CENPW: variants seen among roughly 807,000 people sequenced by gnomAD.
The protein encoded by CENPW is centromere protein W.
A neutral mutation model predicts 11.1 loss-of-function variants in CENPW; 3 were observed. That is an observed-to-expected ratio of 0.27 (90% CI 0.12 to 0.70). The LOEUF (loss-of-function observed/expected upper bound fraction) is 0.70, where lower values mean the gene tolerates loss of function less well. Ranked by LOEUF, CENPW falls within the 30% of genes least tolerant of loss-of-function variation. CENPW has a pLI of 0.77. For missense variants in CENPW, 100 were observed against 105.6 expected, an observed-to-expected ratio of 0.95 and a Z score of 0.23; for synonymous variants, 38 against 42.0, an observed-to-expected ratio of 0.91 and a Z score of 0.37.
At chr6:126,377,232 T>G in the CENPW span, among the ~76,000 whole-genome samples, 1 of 152,120 alleles carries the variant, frequency 6.6e-6, no homozygotes, top group African/African-American at 2.4e-5. Flanking sequence ...TCCTCACAAT[T>G]TAAATAAAAG....
At chr6:126,470,254 A>T in the CENPW span, among the ~76,000 whole-genome samples, 5 of 152,186 alleles carry the variant, frequency 3.3e-5, no homozygotes, top group Non-Finnish European at 7.3e-5. Context: ...CCTTCATCCC[A>T]GCCACTCCAG....
the CENPW span, among the ~76,000 whole-genome samples, chr6:126,368,194 C>T: frequency 6.6e-6 from 1 of 152,140 alleles, no homozygotes; most frequent in Admixed American, 6.5e-5. Context: ...TTATGTTCCG[C>T]ACTGGGGGAA....
chr6:126,360,949 G>A, the CENPW span, among the ~76,000 whole-genome samples: 1 of 152,168 alleles, frequency 6.6e-6, no homozygotes, highest in Non-Finnish European at 1.5e-5. Context: ...AACCATTCCT[G>A]GGGGAGTAGT....
At chr6:126,356,904 TGTTTATA>T in the CENPW span, among the ~76,000 whole-genome samples, 2 of 152,226 alleles carry the variant, frequency 1.3e-5, no homozygotes, top group African/African-American at 4.8e-5. Context: ...CTGTTTACTC[TGTTTATA>T]GTTTATTTGC....
At chr6:126,425,038 T>C in the CENPW span, among the ~76,000 whole-genome samples, 1 of 152,140 alleles carries the variant, frequency 6.6e-6, no homozygotes, top group South Asian at 2.1e-4. Flanking sequence ...CGTGGCTCTA[T>C]TTTGAACTAC....
At chr6:126,361,775 G>T in the CENPW span, among the ~76,000 whole-genome samples, 1 of 152,076 alleles carries the variant, frequency 6.6e-6, no homozygotes, top group Non-Finnish European at 1.5e-5. Flanking sequence ...CAGGGAGATA[G>T]ACTACACTCT....
chr6:126,437,637 G>A, the CENPW span, among the ~76,000 whole-genome samples: 1 of 151,816 alleles, frequency 6.6e-6, no homozygotes, highest in African/African-American at 2.4e-5. Flanking sequence ...GCTTTTTAAT[G>A]TTTCCAAGAA....
the CENPW span, among the ~76,000 whole-genome samples, chr6:126,416,111 G>C: frequency 6.6e-6 from 1 of 152,190 alleles, no homozygotes; most frequent in African/African-American, 2.4e-5. Flanking sequence ...TCCAGGCTGA[G>C]GTGGTCTCAG....
chr6:126,352,361 G>A (rs1157411955), downstream of CENPW, among the ~76,000 whole-genome samples: 2 of 152,018 alleles, frequency 1.3e-5, no homozygotes, highest in South Asian at 2.1e-4. Context: ...TTGCCAAAAT[G>A]GCAAAAGAGG....
chr6:126,340,342 G>C lies in CENPW; in HGVS notation c.69G>C (p.Lys23Asn), dbSNP rs1780276769. 6.2e-7 allele frequency: 1 copy of C among 1,614,028 alleles called. No individual in the cohort carries two copies. Among genetic ancestry groups the C allele is most frequent in the African/African-American group, 1.3e-5 (1 of 74,934 alleles). The change falls in exon 1 of 3, where the codon AAG (lysine) becomes AAC (asparagine). Residue 23 changes from lysine to asparagine, a missense_variant. Physicochemically the swap from Lys to Asn is moderately conservative, Grantham distance 94. Coordinates refer to ENST00000368328, the MANE Select transcript of CENPW (RefSeq NM_001012507.4). ...IKRKAPRGFL[K>N]RVFKRKKPQL... Reference sequence around the variant, plus strand: ...GGAAGGCTCCCCGTGGCTTTCTAAAGCGAGTCTTCAAGCGAAAGAAGCCTC... The same window carrying C: ...GGAAGGCTCCCCGTGGCTTTCTAAACCGAGTCTTCAAGCGAAAGAAGCCTC...
the CENPW span, among the ~76,000 whole-genome samples, chr6:126,369,748 T>C: frequency 6.6e-6 from 1 of 152,240 alleles, no homozygotes; most frequent in Non-Finnish European, 1.5e-5. Flanking sequence ...CTCTGCTCAT[T>C]GTTTCTTTTG....
the CENPW span, among the ~76,000 whole-genome samples, chr6:126,464,948 G>A: frequency 2.0e-5 from 3 of 152,038 alleles, no homozygotes; most frequent in Admixed American, 6.6e-5. Context: ...CTAAGATCAG[G>A]AACATGACAG....
At chr6:126,363,046 T>C in the CENPW span, among the ~76,000 whole-genome samples, 2 of 152,354 alleles carry the variant, frequency 1.3e-5, no homozygotes, top group East Asian at 3.9e-4. Flanking sequence ...AATTTGAAGA[T>C]TATTTGTGGA....
At chr6:126,347,823 A>G (rs888130567) in intron 2 of CENPW, among the ~76,000 whole-genome samples, 1 of 151,898 alleles carries the variant, frequency 6.6e-6, no homozygotes, top group African/African-American at 2.4e-5. Flanking sequence ...TTTTTTTTTA[A>G]AAAAAGAGAT....
the CENPW span, among the ~76,000 whole-genome samples, chr6:126,414,621 C>T: frequency 6.6e-6 from 1 of 151,840 alleles, no homozygotes; most frequent in East Asian, 1.9e-4. Flanking sequence ...TGGGATATAG[C>T]AAAAGCAGTA....
the CENPW span, among the ~76,000 whole-genome samples, chr6:126,369,512 G>C: frequency 6.6e-6 from 1 of 152,130 alleles, no homozygotes; most frequent in Non-Finnish European, 1.5e-5. Context: ...GTTTTGATTT[G>C]CATTTCCCTG....
At chr6:126,482,779 T>C in the CENPW span, among the ~76,000 whole-genome samples, 8 of 152,126 alleles carry the variant, frequency 5.3e-5, no homozygotes, top group East Asian at 1.9e-4. Context: ...TATTTGGTAG[T>C]ATAAGTTTTC....
At chr6:126,479,950 A>G in the CENPW span, among the ~76,000 whole-genome samples, 1 of 152,072 alleles carries the variant, frequency 6.6e-6, no homozygotes, top group African/African-American at 2.4e-5. Context: ...ACCACTTAAT[A>G]TATGGCTTTC....
chr6:126,466,400 C>T, the CENPW span, among the ~76,000 whole-genome samples: 17 of 152,038 alleles, frequency 1.1e-4, no homozygotes, highest in Admixed American at 5.2e-4. Context: ...CTTCTGATAC[C>T]GCTCTATATG....
Sources: allele counts gnomAD v4.1 joint callset (sites outside exome capture counted in the v4.1 genomes callset), GRCh38; gene constraint gnomAD v4.1.1; transcripts MANE v1.5; gene names NCBI Gene and HGNC (gene_info 2026-07-23, HGNC 2026-07-21).